The following SREBF2 variants were observed in gnomAD, a reference collection of about 807,000 sequenced individuals.
The protein encoded by SREBF2 is sterol regulatory element-binding protein 2.
A neutral mutation model predicts 113.1 loss-of-function variants in SREBF2; 55 were observed. The ratio of observed to expected loss-of-function variants is 0.49; its 90% CI spans 0.39 to 0.61. The LOEUF (loss-of-function observed/expected upper bound fraction) is 0.61. SREBF2 is among the 20% of genes least tolerant of loss of function. The pLI is 0.00. For missense variants in SREBF2, 1,349 were observed against 1,487.4 expected (o/e 0.91, Z 1.53); for synonymous variants, 593 against 605.7 (o/e 0.98, Z 0.31).
chr22:41,867,039 C>T lies in SREBF2; in HGVS notation c.297C>T (p.Ser99=), dbSNP rs775311992. 2 of 1,614,072 alleles carry T rather than the reference C, an allele frequency of 1.2e-6. No homozygotes were observed. The highest frequency in any genetic ancestry group is 2.7e-5 in the African/African-American group (2 of 74,910). The change falls in exon 2 of 19, where the codon TCC becomes TCT. Residue 99 remains serine, a synonymous_variant. Coordinates refer to ENST00000361204, the MANE Select transcript of SREBF2 (RefSeq NM_004599.4). ...CATTCACCCAGGTCACATTACCTTC[C>T]TTCTCTCCCTCGGCGGCCTCCCCAC... is the stretch of plus-strand genomic sequence containing the variant. The part of the protein sequence containing the change: ...QRSFTQVTLP[S]FSPSAASPQA...
intron 16 of SREBF2, among the ~76,000 whole-genome samples, chr22:41,902,457 C>T (rs1181770967): frequency 6.6e-6 from 1 of 152,180 alleles, no homozygotes; most frequent in Non-Finnish European, 1.5e-5. Flanking sequence ...GGCCTAGTCC[C>T]CAAGCACTAA....
At chr22:41,842,463 T>A (rs918851844) in intron 1 of SREBF2, among the ~76,000 whole-genome samples, 5 of 152,224 alleles carry the variant, frequency 3.3e-5, no homozygotes, top group Non-Finnish European at 5.9e-5. Context: ...TGCTGCATGG[T>A]TTTCCATTTG....
chr22:41,839,559 G>A (rs1336574127), intron 1 of SREBF2, among the ~76,000 whole-genome samples: 1 of 152,194 alleles, frequency 6.6e-6, no homozygotes, highest in Non-Finnish European at 1.5e-5. Flanking sequence ...GGGTGAGTGG[G>A]AGATGGGCAG....
At chr22:41,849,612 G>A (rs2076908471) in intron 1 of SREBF2, among the ~76,000 whole-genome samples, 1 of 152,170 alleles carries the variant, frequency 6.6e-6, no homozygotes, top group South Asian at 2.1e-4. Flanking sequence ...TGTCTTAAGG[G>A]ATGTATCTTT....
At position 41,833,242 on chromosome 22, in the gene SREBF2, CAG is replaced by C; in HGVS notation, c.-28_-27del. 2 of 1,509,166 alleles carry C rather than the reference CAG, an allele frequency of 1.3e-6. No homozygotes were observed. Among genetic ancestry groups the C allele is most frequent in the Non-Finnish European group, 8.9e-7 (1 of 1,128,630 alleles). The allele number at this position is 1,509,166 out of a possible 1,614,324, so 93.5% of individuals were successfully genotyped here. A position where few individuals can be genotyped will look rare whatever the true frequency, so the allele number is the denominator to read the frequency against. Reference sequence around the variant, plus strand: ...CCCCGCGTCTCCCTGAGCGGGACGGCAGGGGGGGCTTCTGCGCTGAGCCGGGC... The same window carrying C: ...CCCCGCGTCTCCCTGAGCGGGACGGCGGGGGGCTTCTGCGCTGAGCCGGGC... On this transcript the variant is annotated 5_prime_UTR_variant, in exon 1 of 19. Transcript: ENST00000361204. This position sits in a 1 kb window ranked among gnomAD's most constrained non-coding sequence, Gnocchi z 4.1.
At chr22:41,892,316 A>T (rs1184325246) in intron 11 of SREBF2, among the ~76,000 whole-genome samples, 1 of 152,220 alleles carries the variant, frequency 6.6e-6, no homozygotes, top group African/African-American at 2.4e-5. Flanking sequence ...GTCAAAGCAG[A>T]ATAATTTTGC....
chr22:41,838,222 A>G (rs1303885938), intron 1 of SREBF2, among the ~76,000 whole-genome samples: 1 of 152,190 alleles, frequency 6.6e-6, no homozygotes, highest in East Asian at 1.9e-4. Context: ...GCAGCCTGAC[A>G]AGTATGTGGG....
At chr22:41,893,520 T>C (rs2077384207) in intron 12 of SREBF2, among the ~76,000 whole-genome samples, 1 of 152,112 alleles carries the variant, frequency 6.6e-6, no homozygotes, top group Admixed American at 6.5e-5. Flanking sequence ...GCAGCTCTGC[T>C]CTCTCTAACA....
At chr22:41,903,759 G>T (rs1017835174) in intron 17 of SREBF2, among the ~76,000 whole-genome samples, 1 of 152,122 alleles carries the variant, frequency 6.6e-6, no homozygotes, top group Non-Finnish European at 1.5e-5. Context: ...TGTCATTGAG[G>T]GGGCACGGGC....
intron 13 of SREBF2, among the ~76,000 whole-genome samples, chr22:41,896,348 TATTTTTGTTTG>T (rs2077416805): frequency 6.6e-6 from 1 of 152,018 alleles, no homozygotes; most frequent in Non-Finnish European, 1.5e-5. Flanking sequence ...TGTTTTTTGT[TATTTTTGTTTG>T]TTTTTTGGGG....
At chr22:41,896,578 G>A (rs1161441908) in intron 13 of SREBF2, among the ~76,000 whole-genome samples, 2 of 152,070 alleles carry the variant, frequency 1.3e-5, no homozygotes, top group Admixed American at 6.6e-5. Flanking sequence ...AGGCTGGTCT[G>A]GAACTCCTGA....
intron 1 of SREBF2, among the ~76,000 whole-genome samples, chr22:41,838,410 G>A (rs1368563086): frequency 6.6e-6 from 1 of 152,170 alleles, no homozygotes; most frequent in Non-Finnish European, 1.5e-5. Context: ...CAAGTAGGGG[G>A]TGACATATTA....
chr22:41,859,875 ATC>A (rs2148366171), intron 1 of SREBF2, among the ~76,000 whole-genome samples: 1 of 135,088 alleles, frequency 7.4e-6, no homozygotes, highest in Admixed American at 8.3e-5. Context: ...CAGTGGCGCA[ATC>A]TCGGTGCAAG....
chr22:41,889,928 T>C (rs1005089091), intron 11 of SREBF2, among the ~76,000 whole-genome samples: 1 of 151,630 alleles, frequency 6.6e-6, no homozygotes, highest in African/African-American at 2.4e-5. Context: ...AACCCAGGAG[T>C]CAGAGGTTGC....
intron 1 of SREBF2, among the ~76,000 whole-genome samples, chr22:41,845,914 A>G (rs940319995): frequency 4.6e-5 from 7 of 152,216 alleles, no homozygotes; most frequent in African/African-American, 1.4e-4. Flanking sequence ...GTTGTCCAAC[A>G]GGAACACCTA....
At position 41,873,774 on chromosome 22, in the gene SREBF2, G is replaced by T. The variant is rs1010587876; in HGVS notation, c.868-24G>T. On this transcript the variant is annotated intron_variant, in intron 4 of 18. Transcript: ENST00000361204. ...TGCAGACTAACAAAGGGATCATTCT[G>T]CTGTGTACCTGTCCCTATTCTAGAC... 3.2e-6 allele frequency: 5 copies of T among 1,578,090 alleles called. No individual in the cohort carries two copies. The African/African-American group carries it at 6.7e-5, about 21-fold the overall frequency.
Position 41,833,453 on chromosome 22 carries a change from C to A in SREBF2, c.88+95C>A. On this transcript the variant is annotated intron_variant, in intron 1 of 18. Coordinates refer to ENST00000361204, the MANE Select transcript of SREBF2 (RefSeq NM_004599.4). The surrounding 1 kb of genome is among the most constrained non-coding windows in gnomAD (Gnocchi z 4.1). ...GCGCGTGCGCCCACCCCCCGACAGC[C>A]CCGGTTCGCGCGGGAAGAACCCCGT... 1 of 1,131,310 alleles carries A rather than the reference C, an allele frequency of 8.8e-7. No homozygotes were observed. The highest frequency in any genetic ancestry group is 1.2e-6 in the Non-Finnish European group (1 of 802,348). The allele number at this position is 1,131,310 out of a possible 1,614,324, so 70.1% of individuals were successfully genotyped here.
At chr22:41,835,007 C>G (rs374849243) in intron 1 of SREBF2, among the ~76,000 whole-genome samples, 1 of 152,096 alleles carries the variant, frequency 6.6e-6, no homozygotes, top group Admixed American at 6.6e-5. Context: ...CATTAATTTA[C>G]TGAAGATTAC....
chr22:41,896,463 G>T (rs1021246561), intron 13 of SREBF2, among the ~76,000 whole-genome samples: 1 of 152,082 alleles, frequency 6.6e-6, no homozygotes, highest in Non-Finnish European at 1.5e-5. Flanking sequence ...GGGTTCAAGC[G>T]GTTCTCCTGC....
Sources: gnomAD v4.1 joint callset for allele counts (sites outside exome capture counted in the v4.1 genomes callset) on GRCh38, gnomAD v4.1.1 for gene constraint, Gnocchi (gnomAD v3.1) non-coding constraint, MANE v1.5 for transcripts, NCBI Gene and HGNC (gene_info 2026-07-23, HGNC 2026-07-21) for gene names.